HTR3E: variants seen among roughly 807,000 people sequenced by gnomAD.
The protein encoded by HTR3E is 5-hydroxytryptamine receptor 3E.
A neutral mutation model predicts 38.0 loss-of-function variants in HTR3E; 38 were observed. That is an observed-to-expected ratio of 1.00 (90% CI 0.77 to 1.31). The LOEUF is 1.31. HTR3E is among the 50% of genes most tolerant of loss of function. The pLI, the probability that HTR3E is intolerant of heterozygous loss-of-function variation, is 0.00. For missense variants in HTR3E, 547 were observed against 585.2 expected (o/e 0.93, Z 0.67); for synonymous variants, 210 against 232.9 (o/e 0.90, Z 0.89).
At chr3:184,105,573 C>G (rs1712375909) in intron 6 of HTR3E, 146 bp downstream of exon 6, 3 of 1,068,294 alleles carry the variant, frequency 2.8e-6, no homozygotes, top group South Asian at 3.3e-5. Context: ...CATCCTAAAG[C>G]TCAGGGCTCT....
chr3:184,102,786 A>T (rs1712134782), intron 3 of HTR3E, among the ~76,000 whole-genome samples: 1 of 151,978 alleles, frequency 6.6e-6, no homozygotes, highest in Non-Finnish European at 1.5e-5. Flanking sequence ...TTAGCCAGGC[A>T]TGGTGACATG....
rs562141233 is a variant in HTR3E, at chr3:184,097,332, A to G, written c.-198A>G. ...AGTGAAATACCTAAGACTAAGATAAAGTCTTAAAAGCAGACTGAACCTTAA... is the reference window on the plus strand; with the variant it reads ...AGTGAAATACCTAAGACTAAGATAAGGTCTTAAAAGCAGACTGAACCTTAA... On this transcript the variant is annotated 5_prime_UTR_variant, in exon 1 of 9. Coordinates refer to ENST00000415389, the MANE Select transcript of HTR3E (RefSeq NM_001256613.2). 1.1e-4 allele frequency: 60 copies of G among 563,136 alleles called. No homozygotes were observed. In the East Asian group the frequency reaches 1.2e-3, roughly 11 times the overall value. 34.9% of individuals were successfully genotyped at this position (563,136 alleles called of 1,614,324 possible). A position where few individuals can be genotyped will look rare whatever the true frequency, so the allele number is the denominator to read the frequency against.
Position 184,105,830 on chromosome 3 carries a change from TG to T in HTR3E, c.787del (p.Ala263ProfsTer11). ...TTCTCGTGCCCAGTGGCTTTCTGGT[TG>T]CCATCGATGCCCTCAGCTTCTACCT... ...NLLVPSGFLV[A>X]IDALSFYLPV... On this transcript the variant is annotated frameshift_variant, in exon 7 of 9. Coordinates refer to ENST00000415389, the MANE Select transcript of HTR3E (RefSeq NM_001256613.2). LOFTEE classifies it high-confidence loss of function. 1.2e-6 allele frequency: 2 copies of T among 1,614,146 alleles called. No homozygotes were observed. The highest frequency in any genetic ancestry group is 2.7e-5 in the African/African-American group (2 of 75,018).
At position 184,106,478 on chromosome 3, in the gene HTR3E, G is replaced by C. The variant is rs199863833; in HGVS notation, c.1156G>C (p.Glu386Gln). Residue 386 changes from glutamate to glutamine, a missense_variant, in exon 9 of 9, where the codon GAG (glutamate) becomes CAG (glutamine). Coordinates refer to ENST00000415389, the MANE Select transcript of HTR3E (RefSeq NM_001256613.2). The surrounding 1 kb of genome is among the most constrained non-coding windows in gnomAD (Gnocchi z 4.1). ...TCTTTCTGTAGGTGTGAAGGAGCCA[G>C]AGGTATCAGCAGGGCAGATGCCGGG... ...PTHLPGVKEPEVSAGQMPGPA... is the reference protein window; with the variant it reads ...PTHLPGVKEPQVSAGQMPGPA... 6.3e-7 allele frequency: 1 copy of C among 1,596,776 alleles called. No individual in the cohort carries two copies. The highest frequency in any genetic ancestry group is 2.2e-5 in the East Asian group (1 of 44,766).
chr3:184,106,708 G>C lies in HTR3E; in HGVS notation c.*15G>C, dbSNP rs558732800. On this transcript the variant is annotated 3_prime_UTR_variant, in exon 9 of 9. Coordinates refer to ENST00000415389, the MANE Select transcript of HTR3E (RefSeq NM_001256613.2). The surrounding 1 kb of genome is among the most constrained non-coding windows in gnomAD (Gnocchi z 4.1). ...GGAACACCTAGGCAGGTGCTCACCT[G>C]CCAACTTCAGTCTGGAGCTTCTCTT... is the stretch of plus-strand genomic sequence containing the variant. 12 of 1,612,848 alleles carry C rather than the reference G, an allele frequency of 7.4e-6. No homozygotes were observed. In the Admixed American group the frequency reaches 1.8e-4, roughly 25 times the overall value.
rs754818237 is a variant in HTR3E at position 184,100,478 on chromosome 3, A to G, written c.68-7A>G. 1 of 1,614,078 alleles carries G rather than the reference A, an allele frequency of 6.2e-7. No individual in the cohort carries two copies. Among genetic ancestry groups the G allele is most frequent in the Non-Finnish European group, 8.5e-7 (1 of 1,180,020 alleles). Reference sequence around the variant, plus strand: ...CCTTCATCTCACACATTCGATGTCCACTACAGGAAGGGGCGTTACTTTCAC... The same window carrying G: ...CCTTCATCTCACACATTCGATGTCCGCTACAGGAAGGGGCGTTACTTTCAC... On this transcript the variant is annotated splice_polypyrimidine_tract_variant and splice_region_variant and intron_variant, in intron 1 of 8. Coordinates refer to ENST00000415389, the MANE Select transcript of HTR3E (RefSeq NM_001256613.2).
In HTR3E at chr3:184,101,239, A is replaced by G. The variant is rs577518156; in HGVS notation, c.235-246A>G. Among the ~76,000 whole-genome samples the G allele has an allele frequency of 6.6e-5, 10 of 152,238 alleles. No individual in the cohort carries two copies. In the South Asian group the frequency reaches 1.9e-3, roughly 28 times the overall value. ...GGCATGAGCCACCGCGCCCGGCCACATCGATATTTTTAAGCTTCTCGAGTT... is the reference window on the plus strand; with the variant it reads ...GGCATGAGCCACCGCGCCCGGCCACGTCGATATTTTTAAGCTTCTCGAGTT... On this transcript the variant is annotated intron_variant, in intron 2 of 8. Transcript: ENST00000415389.
chr3:184,100,664 C>G lies in HTR3E; in HGVS notation c.234+13C>G, dbSNP rs1484839038. 6.2e-7 allele frequency: 1 copy of G among 1,609,078 alleles called. No homozygotes were observed. Among genetic ancestry groups the G allele is most frequent in the African/African-American group, 1.3e-5 (1 of 74,806 alleles). On this transcript the variant is annotated intron_variant, in intron 2 of 8. Coordinates refer to ENST00000415389, the MANE Select transcript of HTR3E (RefSeq NM_001256613.2). ...CATCCTAGATGTGGTGAGTGCTGAC[C>G]TCTCTAGCCCTCCTTGGTGTCCTTA... is the stretch of plus-strand genomic sequence containing the variant.
chr3:184,105,355 G>A lies in HTR3E; in HGVS notation c.648G>A (p.Glu216=), dbSNP rs1430254625. The A allele has an allele frequency of 1.2e-6, 2 of 1,614,138 alleles. No individual in the cohort carries two copies. The highest frequency in any genetic ancestry group is 1.1e-5 in the South Asian group (1 of 91,070). ...TCCTTCAGACCCATGGAGAATGGGA[G>A]CTCCTGGGCCTCAGCAAGGCCACCG... The part of the protein sequence containing the change: ...RNILQTHGEW[E]LLGLSKATAK... Residue 216 remains glutamate (E), a synonymous_variant, in exon 6 of 9, where the codon GAG becomes GAA. Transcript: ENST00000415389.
intron 1 of HTR3E, among the ~76,000 whole-genome samples, chr3:184,099,988 A>T (rs1393486201): frequency 6.6e-6 from 1 of 152,026 alleles, no homozygotes; most frequent in Non-Finnish European, 1.5e-5. Flanking sequence ...CAGAAATATT[A>T]GAAAGGAGGC....
chr3:184,106,055 G>C lies in HTR3E; in HGVS notation c.926-73G>C. On this transcript the variant is annotated intron_variant, in intron 7 of 8. Transcript: ENST00000415389. The surrounding 1 kb of genome is among the most constrained non-coding windows in gnomAD (Gnocchi z 4.1). ...TTTGGAAAAAGGAGGCCGTATGCCT[G>C]CCAGGGTGGGATTGGAAGAGAAGAA... 6.2e-7 allele frequency: 1 copy of C among 1,605,130 alleles called. No individual in the cohort carries two copies.
intron 3 of HTR3E, among the ~76,000 whole-genome samples, chr3:184,102,492 A>AGGGGGGGGGGG (rs1560094999): frequency 2.2e-5 from 1 of 46,370 alleles, no homozygotes; most frequent in Non-Finnish European, 4.0e-5. Flanking sequence ...GGGTGGGGGG[A>AGGGGGGGGGGG]GGGGGGAGGG....
At chr3:184,105,042 G>A (rs538324379) in intron 5 of HTR3E, 86 bp downstream of exon 5, 3 of 1,359,514 alleles carry the variant, frequency 2.2e-6, no homozygotes, top group East Asian at 2.3e-5. Context: ...TGACCAAGGA[G>A]TATGGGTGGG....
chr3:184,104,702 G>A, intron 4 of HTR3E, 85 bp from the exon 5 acceptor site: 2 of 1,237,044 alleles, frequency 1.6e-6, no homozygotes, highest in Non-Finnish European at 2.2e-6. Context: ...GGGTGACAGA[G>A]CAAGATCCTG....
At chr3:184,098,242 C>T (rs1161720860) in intron 1 of HTR3E, among the ~76,000 whole-genome samples, 1 of 152,180 alleles carries the variant, frequency 6.6e-6, no homozygotes, top group African/African-American at 2.4e-5. Context: ...TGGTGTCTCA[C>T]GTTGCTAGTT....
Position 184,106,246 on chromosome 3 carries a change from C to G in HTR3E, c.1044C>G (p.His348Gln). Residue 348 changes from histidine (H) to glutamine (Q), a missense_variant, in exon 8 of 9, where the codon CAC becomes CAG. By Grantham distance (24) the His-to-Gln change is conservative. Coordinates refer to ENST00000415389, the MANE Select transcript of HTR3E (RefSeq NM_001256613.2). This position sits in a 1 kb window ranked among gnomAD's most constrained non-coding sequence, Gnocchi z 4.1. Reference protein sequence around the residue: ...TQPPPLPRWLHSLLLHCNSPG... With the variant: ...TQPPPLPRWLQSLLLHCNSPG... ...CCCCACCCCTGCCTCGGTGGCTCCA[C>G]TCCCTGCTGCTCCACTGCAACAGCC... The G allele has an allele frequency of 6.2e-7, 1 of 1,613,038 alleles. No individual in the cohort carries two copies. The highest frequency in any genetic ancestry group is 8.5e-7 in the Non-Finnish European group (1 of 1,180,020).
intron 3 of HTR3E, among the ~76,000 whole-genome samples, chr3:184,103,030 G>A (rs1278514590): frequency 6.6e-6 from 1 of 152,148 alleles, no homozygotes; most frequent in African/African-American, 2.4e-5. Context: ...AAATTACGAA[G>A]TAATTAGAAA....
rs34611203 is a variant in HTR3E, at chr3:184,100,184, A to G, written c.68-301A>G. 228,989 of 1,421,744 alleles carry G rather than the reference A, an allele frequency of 0.16. 19,481 individuals are homozygous for G. The highest frequency in any genetic ancestry group is 0.23 in the South Asian group (14,767 of 65,300). 88.1% of individuals were successfully genotyped at this position (1,421,744 alleles called of 1,614,324 possible). A position where few individuals can be genotyped will look rare whatever the true frequency, so the allele number is the denominator to read the frequency against. ...AGCAGACAAACCTGGGTTCAGAACA[A>G]GTCCGGCTTCTGCCTTTTATTGGCT... is the stretch of plus-strand genomic sequence containing the variant. On this transcript the variant is annotated intron_variant, in intron 1 of 8. Coordinates refer to ENST00000415389, the MANE Select transcript of HTR3E (RefSeq NM_001256613.2).
Position 184,105,380 on chromosome 3 carries a change from G to T in HTR3E, c.673G>T (p.Ala225Ser), listed in dbSNP as rs1178205954. 6.2e-7 allele frequency: 1 copy of T among 1,614,008 alleles called. No individual in the cohort carries two copies. The highest frequency in any genetic ancestry group is 1.1e-5 in the South Asian group (1 of 91,040). The change falls in exon 6 of 9, where the codon GCA (alanine) becomes TCA (serine). Residue 225 changes from alanine (A) to serine (S), a missense_variant. By Grantham distance (99) the Ala-to-Ser change is moderately conservative. Coordinates refer to ENST00000415389, the MANE Select transcript of HTR3E (RefSeq NM_001256613.2). ...GCTCCTGGGCCTCAGCAAGGCCACC[G>T]CAAAGTTGTCCAGGGGAGGCAACCT... ...WELLGLSKAT[A>S]KLSRGGNLYD...
Sources: gnomAD v4.1 joint callset for allele counts (sites outside exome capture counted in the v4.1 genomes callset) on GRCh38, gnomAD v4.1.1 for gene constraint, Gnocchi (gnomAD v3.1) non-coding constraint, MANE v1.5 for transcripts, NCBI Gene and HGNC (gene_info 2026-07-23, HGNC 2026-07-21) for gene names.